TBC1D7: variants seen among roughly 807,000 people sequenced by gnomAD.
TBC1D7 encodes the protein TBC domain family 7.
In TBC1D7, 33 loss-of-function variants were observed where a neutral mutation model predicts 35.3. The ratio of observed to expected loss-of-function variants is 0.93; its 90% CI spans 0.71 to 1.25. The LOEUF is 1.25. Ranked by LOEUF, TBC1D7 falls within the 50% of genes most tolerant of loss-of-function variation. The probability of loss-of-function intolerance (pLI) is 0.00; values close to 1 mark genes in which losing one functional copy is unlikely to be tolerated. For synonymous variants in TBC1D7, 135 were observed against 129.5 expected, an observed-to-expected ratio of 1.04 and a Z score of -0.29; for missense variants, 362 against 365.3, an observed-to-expected ratio of 0.99 and a Z score of 0.07.
intron 3 of TBC1D7, among the ~76,000 whole-genome samples, chr6:13,322,306 C>G (rs1784100727): frequency 6.6e-6 from 1 of 152,024 alleles, no homozygotes; most frequent in Non-Finnish European, 1.5e-5. Flanking sequence ...TTTACTCAAG[C>G]CTCATTAAAC....
intron 4 of TBC1D7, chr6:13,318,862 T>C (rs946804591): frequency 1.3e-5 from 2 of 152,172 alleles, no homozygotes; most frequent in Non-Finnish European, 2.9e-5. Flanking sequence ...ATAGTAAAAA[T>C]TGGTTCAGGC....
At chr6:13,325,220 A>AG in intron 2 of TBC1D7, 46 bp from the exon 3 acceptor site, 3 of 1,349,262 alleles carry the variant, frequency 2.2e-6, no homozygotes, top group Non-Finnish European at 3.2e-6. Flanking sequence ...CATGCTGATC[A>AG]CAGTATGTCA....
Position 13,318,634 on chromosome 6 carries a change from T to C in TBC1D7, c.382-1926A>G, listed in dbSNP as rs191086797. 6.1e-4 allele frequency: 93 copies of C among 152,248 alleles called. 1 individual carries two copies. The highest frequency in any genetic ancestry group is 2.0e-3 in the African/African-American group (83 of 41,544). The allele number at this position is 152,248 out of a possible 1,614,324, so 9.4% of individuals were successfully genotyped here. On this transcript the variant is annotated intron_variant, in intron 4 of 7. Coordinates refer to ENST00000379300, the MANE Select transcript of TBC1D7 (RefSeq NM_016495.6). ...GTCCATGGATACCTCATCATTAACGTCAAAAAAAATTAGATCTGCAATAAA... is the reference window on the plus strand; with the variant it reads ...GTCCATGGATACCTCATCATTAACGCCAAAAAAAATTAGATCTGCAATAAA...
chr6:13,320,638 G>T, intron 4 of TBC1D7: 1 of 617,184 alleles, frequency 1.6e-6, no homozygotes, highest in Admixed American at 2.7e-5. Flanking sequence ...TCTGGGTAAA[G>T]GGTATATGCA....
intron 5 of TBC1D7, among the ~76,000 whole-genome samples, chr6:13,309,713 C>A (rs1314747120): frequency 6.6e-6 from 1 of 152,174 alleles, no homozygotes; most frequent in Non-Finnish European, 1.5e-5. Flanking sequence ...TACATACAGA[C>A]ACACTTCTCT....
chr6:13,319,483 A>T (rs893912589), intron 4 of TBC1D7: 2 of 151,736 alleles, frequency 1.3e-5, no homozygotes, highest in African/African-American at 4.8e-5. Flanking sequence ...AAAAAAAAAA[A>T]AAAAAGAACT....
chr6:13,326,417 C>A (rs1784408723), intron 2 of TBC1D7, among the ~76,000 whole-genome samples: 1 of 150,198 alleles, frequency 6.7e-6, no homozygotes, highest in Non-Finnish European at 1.5e-5. Flanking sequence ...GAGCCAAGAT[C>A]ACACCACTGC....
intron 5 of TBC1D7, among the ~76,000 whole-genome samples, chr6:13,309,180 G>A (rs1783020073): frequency 6.6e-6 from 1 of 152,142 alleles, no homozygotes; most frequent in African/African-American, 2.4e-5. Context: ...TTTTGCAAAG[G>A]GGATATATGC....
intron 3 of TBC1D7, among the ~76,000 whole-genome samples, chr6:13,322,063 T>C (rs367559268): frequency 1.1e-4 from 16 of 151,956 alleles, no homozygotes; most frequent in African/African-American, 3.6e-4. Flanking sequence ...TGGGTGAAGG[T>C]ATTTGGGAAA....
intron 5 of TBC1D7, among the ~76,000 whole-genome samples, chr6:13,308,491 G>C (rs1260510903): frequency 6.6e-6 from 1 of 152,162 alleles, no homozygotes; most frequent in Non-Finnish European, 1.5e-5. Context: ...GAAGACTGGA[G>C]AGCTAATAAA....
chr6:13,314,804 C>G (rs1050269354), intron 5 of TBC1D7, among the ~76,000 whole-genome samples: 1 of 151,962 alleles, frequency 6.6e-6, no homozygotes, highest in Non-Finnish European at 1.5e-5. Flanking sequence ...ACCACAGTTA[C>G]CACTTTCAGT....
chr6:13,316,800 T>G (rs1005442707), intron 4 of TBC1D7, 92 bp from the exon 5 acceptor site: 4 of 1,467,228 alleles, frequency 2.7e-6, no homozygotes, highest in Non-Finnish European at 3.7e-6. Flanking sequence ...CTCCCTAAAT[T>G]TTGAAAAGGC....
intron 5 of TBC1D7, among the ~76,000 whole-genome samples, chr6:13,314,588 T>A (rs1257501177): frequency 6.6e-6 from 1 of 152,220 alleles, no homozygotes; most frequent in Non-Finnish European, 1.5e-5. Context: ...CAGGCTGAAA[T>A]TATTTTTATT....
chr6:13,313,907 TA>T (rs1449308436), intron 5 of TBC1D7, among the ~76,000 whole-genome samples: 2 of 152,056 alleles, frequency 1.3e-5, no homozygotes, highest in East Asian at 3.9e-4. Context: ...GGCAGTAAGT[TA>T]AAAAACAAAA....
Position 13,321,016 on chromosome 6 carries a change from G to A in TBC1D7, c.273C>T (p.Ala91=), listed in dbSNP as rs1784004247. The A allele has an allele frequency of 5.6e-6, 9 of 1,614,094 alleles. No homozygotes were observed. The East Asian group carries it at 2.0e-4, about 36-fold the overall frequency. Residue 91 remains alanine, a synonymous_variant, in exon 4 of 8, where the codon GCC becomes GCT. Transcript: ENST00000379300. ...RKEQYLDVLH[A]LKVVRFVSDA... is the part of the protein sequence containing the mutation. ...CACTAACAAAGCGAACGACTTTCAG[G>A]GCATGAAGGACATCCAAGTACTGCT...
chr6:13,327,117 A>G (rs777221846), intron 1 of TBC1D7, among the ~76,000 whole-genome samples: 15 of 152,244 alleles, frequency 9.9e-5, no homozygotes, highest in African/African-American at 3.6e-4. Context: ...AAACCAAGAT[A>G]TAAGTTAAAA....
At chr6:13,327,906 C>A (rs1784507314) in intron 1 of TBC1D7, 1 of 152,152 alleles carries the variant, frequency 6.6e-6, no homozygotes, top group South Asian at 2.1e-4. Flanking sequence ...CCCCAGTGAG[C>A]AGGGGAGGGC....
At chr6:13,310,846 A>G (rs930977794) in intron 5 of TBC1D7, among the ~76,000 whole-genome samples, 2 of 152,078 alleles carry the variant, frequency 1.3e-5, no homozygotes, top group East Asian at 3.8e-4. Flanking sequence ...ATGTGTATAT[A>G]TATTTTTTAA....
intron 5 of TBC1D7, among the ~76,000 whole-genome samples, chr6:13,310,637 CAAAA>C (rs546122443): frequency 1.4e-5 from 1 of 72,996 alleles, no homozygotes; most frequent in African/African-American, 5.7e-5. Flanking sequence ...GACTCCGTCT[CAAAA>C]AAAAAAAAAA....
Sources: allele counts gnomAD v4.1 joint callset (sites outside exome capture counted in the v4.1 genomes callset), GRCh38; gene constraint gnomAD v4.1.1; transcripts MANE v1.5; gene names NCBI Gene and HGNC (gene_info 2026-07-23, HGNC 2026-07-21).